The following DLGAP2 variants were observed in gnomAD, a reference collection of about 807,000 sequenced individuals.
DLGAP2 encodes the protein DLG associated protein 2, also known as disks large-associated protein 2.
A neutral mutation model predicts 100.3 loss-of-function variants in DLGAP2; 26 were observed. That is an observed-to-expected ratio of 0.26 (90% confidence interval 0.19 to 0.36). The LOEUF is 0.36. Among genes scored for constraint, DLGAP2 ranks in the 10% least tolerant of loss-of-function variants. DLGAP2 has a pLI of 1.00. For missense variants in DLGAP2, 1,858 were observed against 1,453.2 expected (o/e 1.28, Z -4.53); for synonymous variants, 886 against 630.1 (o/e 1.41, Z -6.08).
chr8:742,786 G>C (rs1820518674), intron 1 of DLGAP2, among the ~76,000 whole-genome samples: 1 of 152,140 alleles, frequency 6.6e-6, no homozygotes, highest in Non-Finnish European at 1.5e-5. Flanking sequence ...GGGATTACAG[G>C]AGTGAGTCAC....
chr8:1,632,232 C>G (rs1006240287), intron 7 of DLGAP2, among the ~76,000 whole-genome samples: 4 of 152,206 alleles, frequency 2.6e-5, no homozygotes, highest in East Asian at 3.8e-4. Flanking sequence ...AACACCAGTA[C>G]AGCCATTTCT....
intron 1 of DLGAP2, among the ~76,000 whole-genome samples, chr8:871,740 G>A (rs976620913): frequency 5.9e-5 from 9 of 152,032 alleles, no homozygotes; most frequent in Non-Finnish European, 8.8e-5. Context: ...CTGGTCCCAC[G>A]CATTTTGGGT....
Position 1,470,749 on chromosome 8 carries a change from T to TCCA in DLGAP2, c.107-30617_107-30616insCCA, listed in dbSNP as rs776928027. Among the ~76,000 whole-genome samples the TCCA allele has an allele frequency of 8.6e-3, 1,137 of 131,538 alleles. 179 individuals are homozygous for TCCA. Among genetic ancestry groups the TCCA allele is most frequent in the Middle Eastern group, 0.016 (4 of 258 alleles). 86.3% of individuals were successfully genotyped at this position (131,538 alleles called of 152,430 possible). On this transcript the variant is annotated intron_variant, in intron 3 of 14. Coordinates refer to ENST00000637795, the MANE Select transcript of DLGAP2 (RefSeq NM_001346810.2). ...CCACGGCCTCCCCTTCCCCGACTCC[T>TCCA]TCCCCGACTCCTCCAGCCTTTCCCG...
chr8:891,020 T>G (rs2128995513), intron 1 of DLGAP2, among the ~76,000 whole-genome samples: 2 of 152,118 alleles, frequency 1.3e-5, no homozygotes, highest in South Asian at 4.2e-4. Flanking sequence ...TGTCCCTGAT[T>G]CCCTCCCCTC....
intron 1 of DLGAP2, among the ~76,000 whole-genome samples, chr8:781,673 A>G (rs1821691033): frequency 6.6e-6 from 1 of 152,188 alleles, no homozygotes; most frequent in Non-Finnish European, 1.5e-5. Flanking sequence ...ATTTGGCTGA[A>G]CATTTAAATG....
intron 2 of DLGAP2, among the ~76,000 whole-genome samples, chr8:1,154,659 CG>C (rs1796749083): frequency 6.6e-6 from 1 of 152,178 alleles, no homozygotes; most frequent in Admixed American, 6.5e-5. Context: ...TACACTGCCA[CG>C]GAAGAGGCCG....
intron 3 of DLGAP2, among the ~76,000 whole-genome samples, chr8:1,354,055 G>T (rs773003394): frequency 2.6e-5 from 4 of 152,182 alleles, no homozygotes; most frequent in Admixed American, 6.5e-5. Flanking sequence ...AATAGGTGCA[G>T]GCTTCAGGGG....
chr8:1,186,538 C>T (rs1034769192), intron 2 of DLGAP2, among the ~76,000 whole-genome samples: 7 of 152,158 alleles, frequency 4.6e-5, no homozygotes, highest in African/African-American at 1.7e-4. Flanking sequence ...CCTCTCTAAG[C>T]GTCCTGATAA....
intron 3 of DLGAP2, among the ~76,000 whole-genome samples, chr8:1,343,870 G>T (rs1468699047): frequency 2.0e-5 from 3 of 152,134 alleles, no homozygotes; most frequent in African/African-American, 4.8e-5. Flanking sequence ...GGAGTAGGGG[G>T]AGCTCAGCCC....
intron 1 of DLGAP2, among the ~76,000 whole-genome samples, chr8:882,101 T>C (rs2128993602): frequency 6.6e-6 from 1 of 152,324 alleles, no homozygotes; most frequent in South Asian, 2.1e-4. Flanking sequence ...TCCCTGTAAA[T>C]ACTTGAAATG....
intron 3 of DLGAP2, among the ~76,000 whole-genome samples, chr8:1,472,240 G>T (rs913964133): frequency 2.0e-5 from 3 of 152,186 alleles, no homozygotes; most frequent in Admixed American, 6.5e-5. Context: ...AGGGGAGGGG[G>T]GTTGAGCCAT....
chr8:1,595,270 A>T (rs1796415840), intron 6 of DLGAP2, among the ~76,000 whole-genome samples: 2 of 151,878 alleles, frequency 1.3e-5, no homozygotes, highest in Admixed American at 6.6e-5. Context: ...GGCTTTTTTT[A>T]AATATATATA....
chr8:1,335,426 A>T (rs924985827), intron 3 of DLGAP2, among the ~76,000 whole-genome samples: 1 of 152,208 alleles, frequency 6.6e-6, no homozygotes, highest in Non-Finnish European at 1.5e-5. Context: ...GGCTGACACT[A>T]TGCTGTGTCC....
intron 2 of DLGAP2, among the ~76,000 whole-genome samples, chr8:1,160,039 C>G (rs1260442295): frequency 6.6e-6 from 1 of 152,190 alleles, no homozygotes; most frequent in African/African-American, 2.4e-5. Flanking sequence ...TGATGACCGT[C>G]GTCGTAAACT....
chr8:1,180,456 G>T (rs1256391625), intron 2 of DLGAP2, among the ~76,000 whole-genome samples: 1 of 152,232 alleles, frequency 6.6e-6, no homozygotes, highest in Non-Finnish European at 1.5e-5. Context: ...TCAGGCCCGT[G>T]TGCCTGGGAT....
At chr8:956,148 T>G (rs937396762) in intron 2 of DLGAP2, among the ~76,000 whole-genome samples, 1 of 152,164 alleles carries the variant, frequency 6.6e-6, no homozygotes, top group Admixed American at 6.5e-5. Context: ...GATATATAAT[T>G]TGTGTGTGCG....
At chr8:1,272,261 G>A (rs1196340751) in intron 3 of DLGAP2, among the ~76,000 whole-genome samples, 1 of 152,140 alleles carries the variant, frequency 6.6e-6, no homozygotes. Flanking sequence ...AGTTAGAGAT[G>A]GAAACATCAA....
intron 2 of DLGAP2, among the ~76,000 whole-genome samples, chr8:1,163,972 C>G (rs539725351): frequency 1.3e-5 from 2 of 152,344 alleles, no homozygotes; most frequent in South Asian, 2.1e-4. Context: ...GCCTCCTAGA[C>G]GAGAGCCCTC....
chr8:978,276 G>A (rs111923160), intron 2 of DLGAP2, among the ~76,000 whole-genome samples: 6 of 33,824 alleles, frequency 1.8e-4, no homozygotes, highest in African/African-American at 1.5e-4. Context: ...ATGCAGTGAG[G>A]GGCTGGGTTC....
Sources: gnomAD v4.1 joint callset for allele counts (sites outside exome capture counted in the v4.1 genomes callset) on GRCh38, gnomAD v4.1.1 for gene constraint, MANE v1.5 for transcripts, NCBI Gene and HGNC (gene_info 2026-07-23, HGNC 2026-07-21) for gene names.